SSH1: variants seen among roughly 807,000 people sequenced by gnomAD.
SSH1 encodes the protein protein phosphatase Slingshot homolog 1.
In SSH1, 43 loss-of-function variants were observed where a neutral mutation model predicts 79.7. That is an observed-to-expected ratio of 0.54 (90% confidence interval 0.42 to 0.70). The LOEUF (loss-of-function observed/expected upper bound fraction) is 0.70. SSH1 is among the 30% of genes least tolerant of loss of function. The probability of loss-of-function intolerance (pLI) is 0.00; values close to 1 mark genes in which losing one functional copy is unlikely to be tolerated. For synonymous variants in SSH1, 599 were observed against 538.3 expected, an observed-to-expected ratio of 1.11 and a Z score of -1.56; for missense variants, 1,206 against 1,358.8, an observed-to-expected ratio of 0.89 and a Z score of 1.77.
chr12:108,816,049 G>A (rs955992587), intron 5 of SSH1, among the ~76,000 whole-genome samples: 4 of 152,220 alleles, frequency 2.6e-5, no homozygotes, highest in South Asian at 2.1e-4. Flanking sequence ...TTGCTGCTCC[G>A]CCTCCACCCT....
chr12:108,843,897 C>T (rs912031112), intron 2 of SSH1, among the ~76,000 whole-genome samples: 9 of 152,204 alleles, frequency 5.9e-5, no homozygotes, highest in Middle Eastern at 3.4e-3. Context: ...TCACAAATTA[C>T]GCAGCCAGTC....
intron 5 of SSH1, chr12:108,811,657 A>C (rs1479486254): frequency 2.4e-6 from 1 of 410,554 alleles, no homozygotes. Flanking sequence ...AAGCACCGGC[A>C]GCCAAGCCCG....
At chr12:108,794,816 A>G (rs1434012964) in intron 13 of SSH1, among the ~76,000 whole-genome samples, 1 of 148,186 alleles carries the variant, frequency 6.7e-6, no homozygotes, top group Non-Finnish European at 1.5e-5. Context: ...TTCGGTTAAA[A>G]TTCACCATGG....
chr12:108,807,706 A>G lies in SSH1; in HGVS notation c.658T>C (p.Cys220Arg), dbSNP rs1439108665. The change falls in exon 8 of 15, where the codon TGC becomes CGC. Residue 220 changes from cysteine to arginine, a missense_variant. Transcript: ENST00000326495. The surrounding 1 kb of genome is among the most constrained non-coding windows in gnomAD (Gnocchi z 5.2). ...TGCATGGCGTTCCACTCGTTGATGC[A>G]GCTCTGCTCGGAGCTGATGCAGCTC... ...YESCISSEQSCINEWNAMQDL... is the reference protein window; with the variant it reads ...YESCISSEQSRINEWNAMQDL... The G allele has an allele frequency of 6.2e-7, 1 of 1,613,374 alleles. No individual in the cohort carries two copies. Among genetic ancestry groups the G allele is most frequent in the Admixed American group, 1.7e-5 (1 of 59,996 alleles).
chr12:108,798,602 G>T (rs2036852166), intron 13 of SSH1, among the ~76,000 whole-genome samples: 1 of 152,216 alleles, frequency 6.6e-6, no homozygotes, highest in Non-Finnish European at 1.5e-5. Context: ...CCTGGTTGCT[G>T]TGCCTCTCCG....
chr12:108,856,931 G>A (rs1466335949), intron 1 of SSH1, among the ~76,000 whole-genome samples: 4 of 152,248 alleles, frequency 2.6e-5, no homozygotes, highest in African/African-American at 7.2e-5. Context: ...AGTCCCGACA[G>A]ACGCACAGTC....
intron 13 of SSH1, among the ~76,000 whole-genome samples, chr12:108,793,643 A>AC (rs1412658620): frequency 6.6e-6 from 1 of 151,830 alleles, no homozygotes; most frequent in Non-Finnish European, 1.5e-5. Context: ...CGATCCTCCT[A>AC]CCTCAGCCTC....
rs151246427 is a variant in SSH1, at chr12:108,821,152, G to A, written c.214+2106C>T. 3.1e-3 allele frequency among the ~76,000 whole-genome samples: 478 copies of A among 152,196 alleles called. 2 individuals are homozygous for A. The highest frequency in any genetic ancestry group is 0.011 in the African/African-American group (446 of 41,520). The stretch of plus-strand genomic sequence containing the variant: ...CCCAATGCTTTGAGAGGCTGAGGTG[G>A]GGAGATGGCTTGAGGCCAGGAGTTG... On this transcript the variant is annotated intron_variant, in intron 3 of 14. Coordinates refer to ENST00000326495, the MANE Select transcript of SSH1 (RefSeq NM_018984.4).
intron 2 of SSH1, among the ~76,000 whole-genome samples, chr12:108,835,009 T>A (rs1299923118): frequency 2.6e-5 from 4 of 152,122 alleles, no homozygotes; most frequent in African/African-American, 4.8e-5. Flanking sequence ...ACGTGCGAGT[T>A]AAAGCCACCT....
At position 108,792,847 on chromosome 12, in the gene SSH1, A is replaced by G. The variant is rs2036573077; in HGVS notation, c.1350-18T>C. On this transcript the variant is annotated intron_variant, in intron 13 of 14. Transcript: ENST00000326495. ...GCTGTTTGCTGCGGGGAGAGAGGGT[A>G]GAGGAAGGTGAGGGGAGGAGGATGG... 1 of 1,612,690 alleles carries G rather than the reference A, an allele frequency of 6.2e-7. No homozygotes were observed. The highest frequency in any genetic ancestry group is 1.1e-5 in the South Asian group (1 of 91,044).
chr12:108,779,111 T>G lies in SSH1; in HGVS notation c.*8877A>C, dbSNP rs1433707788. On this transcript the variant is annotated 3_prime_UTR_variant, in exon 15 of 15. Transcript: ENST00000326495. ...CAAGCCACCGTGCCCAAATTTGTCT[T>G]TTAGAGTCGGATGCTGGAGCATCCT... The G allele has an allele frequency of 2.0e-5, 3 of 151,972 alleles. No homozygotes were observed. Among genetic ancestry groups the G allele is most frequent in the Non-Finnish European group, 4.4e-5 (3 of 68,012 alleles). The allele number at this position is 151,972 out of a possible 1,614,324, so 9.4% of individuals were successfully genotyped here. A position where few individuals can be genotyped will look rare whatever the true frequency, so the allele number is the denominator to read the frequency against.
intron 1 of SSH1, among the ~76,000 whole-genome samples, chr12:108,855,068 T>C (rs1480914750): frequency 1.3e-5 from 2 of 152,200 alleles, no homozygotes; most frequent in East Asian, 1.9e-4. Flanking sequence ...TAATGCTTTA[T>C]ATAATAATTG....
intron 2 of SSH1, among the ~76,000 whole-genome samples, chr12:108,841,430 A>C (rs1426162367): frequency 6.6e-6 from 1 of 152,242 alleles, no homozygotes; most frequent in Non-Finnish European, 1.5e-5. Flanking sequence ...CCTTAATGAA[A>C]AGTTTAATTA....
intron 2 of SSH1, among the ~76,000 whole-genome samples, chr12:108,847,785 G>A (rs1381018325): frequency 6.6e-6 from 1 of 152,178 alleles, no homozygotes. Flanking sequence ...GCTACACAAA[G>A]GCAGAGAAAT....
intron 2 of SSH1, among the ~76,000 whole-genome samples, chr12:108,850,726 T>A (rs1044981188): frequency 2.5e-5 from 1 of 39,874 alleles, no homozygotes; most frequent in African/African-American, 1.0e-4. Context: ...GGAGGGGATC[T>A]GGGGGAGGGG....
chr12:108,817,079 C>T lies in SSH1; in HGVS notation c.360G>A (p.Glu120=). 6.2e-7 allele frequency: 1 copy of T among 1,614,212 alleles called. No homozygotes were observed. Among genetic ancestry groups the T allele is most frequent in the Non-Finnish European group, 8.5e-7 (1 of 1,180,022 alleles). The stretch of plus-strand genomic sequence containing the variant: ...AGTCCACTCCCAGCAAGATATTCTC[C>T]TCGGTGTCCTGGCGCCCGCTGCTGT... The part of the protein sequence containing the change: ...VVYSSGRQDT[E]ENILLGVDFS... Residue 120 remains glutamate, a synonymous_variant, in exon 5 of 15, where the codon GAG becomes GAA. Transcript: ENST00000326495.
At chr12:108,845,227 G>T (rs921833027) in intron 2 of SSH1, among the ~76,000 whole-genome samples, 1 of 143,056 alleles carries the variant, frequency 7.0e-6, no homozygotes. Context: ...AAAAAAAAAA[G>T]AAAATGAATT....
At chr12:108,849,779 CAA>C (rs2038976076) in intron 2 of SSH1, among the ~76,000 whole-genome samples, 1 of 126,346 alleles carries the variant, frequency 7.9e-6, no homozygotes, top group African/African-American at 3.1e-5. Flanking sequence ...CTGAGAGAGA[CAA>C]GAGATGGAAG....
rs746976237 is a variant in SSH1 at position 108,807,627 on chromosome 12, A to G, written c.731+6T>C. On this transcript the variant is annotated splice_donor_region_variant and intron_variant, in intron 8 of 14. Transcript: ENST00000326495. The surrounding 1 kb of genome is among the most constrained non-coding windows in gnomAD (Gnocchi z 5.2). ...GGTGCGCTCACACCAGAGGCACCTC[A>G]CTTACTTGTCCACAAATAGCGCGGG... 1.6e-4 allele frequency: 260 copies of G among 1,612,140 alleles called. No individual in the cohort carries two copies. The highest frequency in any genetic ancestry group is 2.1e-4 in the Non-Finnish European group (248 of 1,179,012).
Sources: allele counts gnomAD v4.1 joint callset (sites outside exome capture counted in the v4.1 genomes callset), GRCh38; gene constraint gnomAD v4.1.1; non-coding constraint Gnocchi (gnomAD v3.1); transcripts MANE v1.5; gene names NCBI Gene and HGNC (gene_info 2026-07-23, HGNC 2026-07-21).